The following ZSCAN10 variants were observed in gnomAD, a reference collection of about 807,000 sequenced individuals.
ZSCAN10 encodes zinc finger and SCAN domain containing 10, also known as zinc finger and SCAN domain-containing protein 10.
In ZSCAN10, 52 loss-of-function variants were observed where a neutral mutation model predicts 63.7. The ratio of observed to expected loss-of-function variants is 0.82; its 90% confidence interval spans 0.65 to 1.03. ZSCAN10 has a LOEUF of 1.03. Ranked by LOEUF, ZSCAN10 falls within the 50% of genes least tolerant of loss-of-function variation. ZSCAN10 has a pLI of 0.00. For synonymous variants in ZSCAN10, 544 were observed against 479.6 expected (o/e 1.13, Z -1.76); for missense variants, 1,223 against 1,103.8 (o/e 1.11, Z -1.53).
intron 3 of ZSCAN10, 51 bp from the exon 4 acceptor site, chr16:3,091,879 C>T: frequency 6.3e-7 from 1 of 1,585,346 alleles, no homozygotes; most frequent in Non-Finnish European, 8.6e-7. Flanking sequence ...GGCAGCCCTG[C>T]CTGCCATATG....
chr16:3,095,173 A>G (rs1409646632), intron 1 of ZSCAN10, among the ~76,000 whole-genome samples: 1 of 150,590 alleles, frequency 6.6e-6, no homozygotes, highest in African/African-American at 2.5e-5. Context: ...GAGCCTCAGG[A>G]GTTCAAGACC....
rs371407228 is a variant in ZSCAN10, at chr16:3,098,042, C to CAAA, written c.-68+1145_-68+1147dup. Among the ~76,000 whole-genome samples the CAAA allele has an allele frequency of 3.1e-3, 137 of 44,318 alleles. 4 individuals are homozygous for CAAA. Among genetic ancestry groups the CAAA allele is most frequent in the African/African-American group, 8.6e-3 (115 of 13,408 alleles). 29.1% of individuals were successfully genotyped at this position (44,318 alleles called of 152,430 possible). On this transcript the variant is annotated intron_variant, in intron 1 of 5. Transcript: ENST00000576985. ...TGGATAAAAGGCGAAGACCCTGTCT[C>CAAA]AAAAAAAAAAAAAAAAAAAAGAAAG...
chr16:3,092,202 C>A lies in ZSCAN10; in HGVS notation c.511G>T (p.Glu171Ter). Reference sequence around the variant, plus strand: ...TCCGATGGGCCCAGCACTGAAGGCTCTTCCGCAGGCAATTCCTTCTTGGGG... The same window carrying A: ...TCCGATGGGCCCAGCACTGAAGGCTATTCCGCAGGCAATTCCTTCTTGGGG... Reference protein sequence around the residue: ...HSPKKELPAEEPSVLGPSDEP... With the variant: ...HSPKKELPAE Residue 171 changes from glutamate (E) to a stop codon, truncating the protein, a stop_gained, in exon 3 of 6, where the codon GAG becomes TAG. Transcript: ENST00000576985. LOFTEE classifies it high-confidence loss of function. 6.2e-7 allele frequency: 1 copy of A among 1,612,662 alleles called. No homozygotes were observed.
chr16:3,090,741 AG>A, intron 5 of ZSCAN10, 95 bp from the exon 6 acceptor site: 1 of 1,393,428 alleles, frequency 7.2e-7, no homozygotes. Flanking sequence ...AAAGAAACCC[AG>A]GATCCTGCAA....
At chr16:3,090,703 C>T in intron 5 of ZSCAN10, 57 bp from the exon 6 acceptor site, 2 of 1,480,988 alleles carry the variant, frequency 1.4e-6, no homozygotes, top group South Asian at 1.4e-5. Context: ...CACTATCAAT[C>T]ACCAGAACCT....
At position 3,092,072 on chromosome 16, in the gene ZSCAN10, G is replaced by A. The variant is rs773120329; in HGVS notation, c.641C>T (p.Thr214Ile). Residue 214 changes from threonine to isoleucine, a missense_variant, in exon 3 of 6, where the codon ACA becomes ATA. Transcript: ENST00000576985. The part of the protein sequence containing the change: ...KQPLSPGPQK[T>I]FQALQESSPQ... ...ACTGCTTTCTTGCAGGGCCTGGAAT[G>A]TCTTCTGGGGCCCCGGGCTCAGCGG... The A allele has an allele frequency of 6.3e-7, 1 of 1,575,672 alleles. No homozygotes were observed. The highest frequency in any genetic ancestry group is 2.2e-5 in the East Asian group (1 of 44,512).
At chr16:3,098,266 C>G (rs1957181829) in intron 1 of ZSCAN10, among the ~76,000 whole-genome samples, 2 of 151,972 alleles carry the variant, frequency 1.3e-5, no homozygotes, top group African/African-American at 2.4e-5. Flanking sequence ...AGCCCACGCA[C>G]GAAACAATCA....
Position 3,092,842 on chromosome 16 carries a change from C to T in ZSCAN10, c.96G>A (p.Arg32=). The T allele has an allele frequency of 6.8e-7, 1 of 1,477,548 alleles. No individual in the cohort carries two copies. The highest frequency in any genetic ancestry group is 1.4e-5 in the South Asian group (1 of 73,336). The allele number at this position is 1,477,548 out of a possible 1,614,324, so 91.5% of individuals were successfully genotyped here. A position where few individuals can be genotyped will look rare whatever the true frequency, so the allele number is the denominator to read the frequency against. Residue 32 remains arginine (R), a synonymous_variant, in exon 2 of 6, where the codon AGG becomes AGA. Transcript: ENST00000576985. ...CGGGCCTCAGCCTGGACTCTGGTCG[C>T]CTGGGGTCCTCTGGGCTGACAGCCT... is the stretch of plus-strand genomic sequence containing the variant. ...EEEAVSPEDP[R]RPESRLRPEV... is the part of the protein sequence containing the mutation.
rs768537487 is a variant in ZSCAN10, at chr16:3,089,633, C to A, written c.1801G>T (p.Gly601Cys). 2 of 1,586,134 alleles carry A rather than the reference C, an allele frequency of 1.3e-6. No individual in the cohort carries two copies. The highest frequency in any genetic ancestry group is 1.7e-6 in the Non-Finnish European group (2 of 1,166,400). Residue 601 changes from glycine to cysteine, a missense_variant, in exon 6 of 6, where the codon GGT becomes TGT. Physicochemically the swap from Gly to Cys is radical, Grantham distance 159. Transcript: ENST00000576985. Reference sequence around the variant, plus strand: ...GTGCAGTGGTGGGGCCGAGGGCCACCGTGGGTCAGCAGGTGGCGGGCAAGG... The same window carrying A: ...GTGCAGTGGTGGGGCCGAGGGCCACAGTGGGTCAGCAGGTGGCGGGCAAGG... ...ASLARHLLTH[G>C]GPRPHHCTQC...
chr16:3,097,725 T>G (rs1957169683), intron 1 of ZSCAN10, among the ~76,000 whole-genome samples: 1 of 151,728 alleles, frequency 6.6e-6, no homozygotes, highest in Admixed American at 6.6e-5. Context: ...GGCCTGGGAG[T>G]AGGAGCTGTG....
In ZSCAN10 at chr16:3,090,195, G is replaced by A. The variant is rs140343297; in HGVS notation, c.1239C>T (p.Phe413=). ...GCTTGCTCAGGTGCGAGCTCTGGCG[G>A]AAGCGGTGGCCGCACAGGTGGCAGG... The part of the protein sequence containing the change: ...PHACHLCGHR[F]RQSSHLSKHL... The change falls in exon 6 of 6, where the codon TTC becomes TTT. Residue 413 remains phenylalanine (F), a synonymous_variant. Transcript: ENST00000576985. 35 of 1,605,866 alleles carry A rather than the reference G, an allele frequency of 2.2e-5. No homozygotes were observed. The highest frequency in any genetic ancestry group is 3.0e-5 in the Non-Finnish European group (35 of 1,179,310).
intron 3 of ZSCAN10, 81 bp downstream of exon 3, chr16:3,091,968 C>T: frequency 6.4e-7 from 1 of 1,566,672 alleles, no homozygotes; most frequent in East Asian, 2.3e-5. Flanking sequence ...CCTGGGGAGG[C>T]CCCACTTCTC....
chr16:3,095,827 CAAAA>C (rs34598827), intron 1 of ZSCAN10, among the ~76,000 whole-genome samples: 3 of 118,678 alleles, frequency 2.5e-5, no homozygotes, highest in African/African-American at 3.3e-5. Context: ...GACTCCATCT[CAAAA>C]AAAAAAAAAA....
At chr16:3,097,413 T>C (rs948735166) in intron 1 of ZSCAN10, among the ~76,000 whole-genome samples, 2 of 152,094 alleles carry the variant, frequency 1.3e-5, no homozygotes, top group African/African-American at 4.8e-5. Context: ...TCTGACAAAA[T>C]GGAACGGGAA....
intron 2 of ZSCAN10, 43 bp downstream of exon 2, chr16:3,092,499 C>T (rs1957096447): frequency 6.8e-7 from 1 of 1,461,956 alleles, no homozygotes; most frequent in African/African-American, 1.4e-5. Context: ...GATCAAGTCC[C>T]CATCATCCGC....
Position 3,092,544 on chromosome 16 carries a change from G to A in ZSCAN10, c.394C>T (p.Leu132=). 2 of 1,516,978 alleles carry A rather than the reference G, an allele frequency of 1.3e-6. No homozygotes were observed. Among genetic ancestry groups the A allele is most frequent in the Non-Finnish European group, 1.8e-6 (2 of 1,133,646 alleles). 94.0% of individuals were successfully genotyped at this position (1,516,978 alleles called of 1,614,324 possible). Residue 132 remains leucine, a splice_region_variant and synonymous_variant, in exon 2 of 6, where the codon CTG becomes TTG. Transcript: ENST00000576985. Reference sequence around the variant, plus strand: ...AGCCCGCTGCCCCACCCTCTCACCAGCGGCCCCGCGTGGCTGGGCTCCCGG... The same window carrying A: ...AGCCCGCTGCCCCACCCTCTCACCAACGGCCCCGCGTGGCTGGGCTCCCGG... ...IHREPSHAGP[L]DFSCNAGKSC... is the part of the protein sequence containing the mutation.
intron 1 of ZSCAN10, 198 bp from the exon 2 acceptor site, chr16:3,093,202 G>A (rs1362416838): frequency 5.7e-6 from 2 of 352,872 alleles, no homozygotes; most frequent in African/African-American, 2.1e-5. Flanking sequence ...TGACAGTTCT[G>A]TATTATCATC....
intron 1 of ZSCAN10, among the ~76,000 whole-genome samples, chr16:3,098,505 C>T (rs1432343625): frequency 6.6e-6 from 1 of 152,200 alleles, no homozygotes; most frequent in African/African-American, 2.4e-5. Context: ...TTCCAAATTT[C>T]AGCTCTCAGG....
intron 1 of ZSCAN10, among the ~76,000 whole-genome samples, chr16:3,095,470 T>C (rs1470753012): frequency 6.8e-6 from 1 of 146,970 alleles, no homozygotes; most frequent in Non-Finnish European, 1.5e-5. Context: ...TGAGCCGAGA[T>C]CATGCCACTG....
Sources: gnomAD v4.1 joint callset for allele counts (sites outside exome capture counted in the v4.1 genomes callset) on GRCh38, gnomAD v4.1.1 for gene constraint, MANE v1.5 for transcripts, NCBI Gene and HGNC (gene_info 2026-07-23, HGNC 2026-07-21) for gene names.